Variants in MRRF observed in about 807,000 individuals in gnomAD.
MRRF encodes ribosome-recycling factor, mitochondrial.
In MRRF, 18 loss-of-function variants were observed where a neutral mutation model predicts 25.1. The observed-to-expected ratio is 0.72, with a 90% CI of 0.50 to 1.06. MRRF has a LOEUF of 1.06. Ranked by LOEUF, MRRF falls within the 50% of genes least tolerant of loss-of-function variation. The probability of loss-of-function intolerance (pLI) is 0.00; values close to 1 mark genes in which losing one functional copy is unlikely to be tolerated. For missense variants in MRRF, 323 were observed against 319.3 expected, an observed-to-expected ratio of 1.01 and a Z score of -0.09; for synonymous variants, 113 against 112.1, an observed-to-expected ratio of 1.01 and a Z score of -0.05.
At position 122,280,615 on chromosome 9, in the gene MRRF, A is replaced by G. The variant is rs372593858; in HGVS notation, c.340+17A>G. 15 of 1,612,354 alleles carry G rather than the reference A, an allele frequency of 9.3e-6. No homozygotes were observed. The highest frequency in any genetic ancestry group is 1.6e-4 in the Middle Eastern group (1 of 6,082). The stretch of plus-strand genomic sequence containing the variant: ...CCTCACCAGGTTAGTGACTGAACCA[A>G]TGTTCTGGGGAGGGATGTAATGGAA... On this transcript the variant is annotated intron_variant, in intron 3 of 6. Transcript: ENST00000344641.
intron 1 of MRRF, among the ~76,000 whole-genome samples, chr9:122,268,044 T>C (rs60916676): frequency 0.031 from 4,701 of 152,302 alleles, 217 homozygotes; most frequent in African/African-American, 0.1. Flanking sequence ...ATACTTGGGA[T>C]CTCAACAAAT....
rs547466702 is a variant in MRRF, at chr9:122,286,101, G to T, written c.459+814G>T. 1.0e-4 allele frequency: 128 copies of T among 1,268,812 alleles called. No individual in the cohort carries two copies. The South Asian group carries it at 1.5e-3, about 15-fold the overall frequency. 78.6% of individuals were successfully genotyped at this position (1,268,812 alleles called of 1,614,324 possible). ...TCCGGTCCCATCTCTACCACCAACT[G>T]GCTGTTTGACCTTGGGCAAGTTGCT... On this transcript the variant is annotated intron_variant, in intron 4 of 6. Transcript: ENST00000344641.
chr9:122,283,261 T>C (rs10818674), intron 3 of MRRF, among the ~76,000 whole-genome samples: 16,528 of 151,884 alleles, frequency 0.11, 1,034 homozygotes, highest in East Asian at 0.24. Flanking sequence ...GCCCAGCTAA[T>C]TTTTTGTATT....
At position 122,326,789 on chromosome 9, in the gene MRRF, T is replaced by C. The variant is rs1300713365; in HGVS notation, c.*4172T>C. On this transcript the variant is annotated 3_prime_UTR_variant, in exon 7 of 7. Coordinates refer to ENST00000344641, the MANE Select transcript of MRRF (RefSeq NM_138777.5). ...TAGACCCTTTACACGTGTTCCCACA[T>C]TGAAACTTCTGATGAATCCTTGTTA... 1 of 152,190 alleles carries C rather than the reference T, an allele frequency of 6.6e-6. No individual in the cohort carries two copies. The highest frequency in any genetic ancestry group is 2.1e-4 in the South Asian group (1 of 4,824). 9.4% of individuals were successfully genotyped at this position (152,190 alleles called of 1,614,324 possible).
chr9:122,272,319 A>AT (rs1832511138), intron 2 of MRRF, among the ~76,000 whole-genome samples: 1 of 152,160 alleles, frequency 6.6e-6, no homozygotes, highest in East Asian at 1.9e-4. Context: ...CATAAGCAGC[A>AT]TTTTTTCATA....
chr9:122,286,760 T>C (rs1022125430), intron 4 of MRRF, among the ~76,000 whole-genome samples: 7 of 152,168 alleles, frequency 4.6e-5, no homozygotes, highest in Non-Finnish European at 1.0e-4. Context: ...ATTTTGTCAG[T>C]TGTCATTCCC....
chr9:122,328,097 G>A lies in MRRF; in HGVS notation c.*5480G>A, dbSNP rs1836187567. ...CAATCCTCCCACCTCAGCCTCCTGA[G>A]TAGCTGGGATTACAGCCACGTGCAC... is the stretch of plus-strand genomic sequence containing the variant. On this transcript the variant is annotated 3_prime_UTR_variant, in exon 7 of 7. Coordinates refer to ENST00000344641, the MANE Select transcript of MRRF (RefSeq NM_138777.5). The A allele has an allele frequency of 6.6e-6, 1 of 151,998 alleles. No individual in the cohort carries two copies. The highest frequency in any genetic ancestry group is 2.4e-5 in the African/African-American group (1 of 41,380). The allele number at this position is 151,998 out of a possible 1,614,324, so 9.4% of individuals were successfully genotyped here.
intron 5 of MRRF, among the ~76,000 whole-genome samples, chr9:122,311,045 T>C (rs1050588202): frequency 5.3e-5 from 8 of 152,216 alleles, no homozygotes; most frequent in Non-Finnish European, 7.3e-5. Context: ...GTACTTTATC[T>C]GTTGTGTCTG....
At chr9:122,297,543 G>C (rs1771094400) in intron 5 of MRRF, among the ~76,000 whole-genome samples, 1 of 151,510 alleles carries the variant, frequency 6.6e-6, no homozygotes, top group Admixed American at 6.6e-5. Flanking sequence ...TTCTAAAGGT[G>C]TACTATTGGC....
rs149296425 is a variant in MRRF, at chr9:122,280,492, G to T, written c.234G>T (p.Leu78Phe). The change falls in exon 3 of 7, where the codon TTG (leucine) becomes TTT (phenylalanine). Residue 78 changes from leucine to phenylalanine, a missense_variant. Physicochemically the swap from Leu to Phe is conservative, Grantham distance 22 (BLOSUM62 0). Coordinates refer to ENST00000344641, the MANE Select transcript of MRRF (RefSeq NM_138777.5). ...CCAGAGTGAATATTAATGCTGCCTT[G>T]GTTGAGGATATAATCAACTTGGAAG... is the stretch of plus-strand genomic sequence containing the variant. Reference protein sequence around the residue: ...SQTRVNINAALVEDIINLEEV... With the variant: ...SQTRVNINAAFVEDIINLEEV... 4.1e-4 allele frequency: 655 copies of T among 1,614,090 alleles called. 3 individuals carry two copies. The African/African-American group carries it at 7.9e-3, about 19-fold the overall frequency.
chr9:122,280,622 G>A, intron 3 of MRRF, 24 bp downstream of exon 3: 2 of 1,610,938 alleles, frequency 1.2e-6, no homozygotes, highest in African/African-American at 1.3e-5. Flanking sequence ...CCAATGTTCT[G>A]GGGAGGGATG....
chr9:122,288,640 A>G (rs750911044), intron 4 of MRRF, among the ~76,000 whole-genome samples: 3 of 152,254 alleles, frequency 2.0e-5, no homozygotes, highest in Non-Finnish European at 2.9e-5. Flanking sequence ...CTATGTGTCT[A>G]CTTTCATAGA....
At chr9:122,285,500 T>C (rs985377493) in intron 4 of MRRF, 16 of 550,568 alleles carry the variant, frequency 2.9e-5, no homozygotes, top group Middle Eastern at 5.2e-4. Flanking sequence ...GTTGTTTGAA[T>C]ACCCAAACGG....
intron 2 of MRRF, among the ~76,000 whole-genome samples, chr9:122,279,451 G>A (rs1314060886): frequency 2.0e-5 from 3 of 152,168 alleles, no homozygotes; most frequent in African/African-American, 7.2e-5. Flanking sequence ...AATAGTACAG[G>A]ATTGAGTTCA....
intron 5 of MRRF, among the ~76,000 whole-genome samples, chr9:122,302,601 C>T (rs1205951549): frequency 6.6e-6 from 1 of 151,770 alleles, no homozygotes; most frequent in African/African-American, 2.4e-5. Flanking sequence ...TATATCACTT[C>T]CTCAGTTGAT....
chr9:122,267,144 C>G (rs1011071900), intron 1 of MRRF, among the ~76,000 whole-genome samples: 2 of 151,330 alleles, frequency 1.3e-5, no homozygotes, highest in East Asian at 3.9e-4. Flanking sequence ...TTTGGGAGGC[C>G]GAGGCGGGCA....
chr9:122,267,884 ATGTGGAAGC>A (rs894206169), intron 1 of MRRF, among the ~76,000 whole-genome samples: 11 of 152,202 alleles, frequency 7.2e-5, no homozygotes, highest in African/African-American at 2.7e-4. Context: ...TATGATGATG[ATGTGGAAGC>A]TGTAGCTCAG....
chr9:122,298,569 C>T (rs952746965), intron 5 of MRRF, among the ~76,000 whole-genome samples: 9 of 152,172 alleles, frequency 5.9e-5, no homozygotes, highest in African/African-American at 1.9e-4. Flanking sequence ...CCTCTGGTCC[C>T]GGACAACCAC....
intron 5 of MRRF, among the ~76,000 whole-genome samples, chr9:122,303,017 C>G (rs1834569784): frequency 6.6e-6 from 1 of 152,142 alleles, no homozygotes; most frequent in Non-Finnish European, 1.5e-5. Context: ...AATGTCTATT[C>G]AAGTCCTTTG....
Sources: gnomAD v4.1 joint callset for allele counts (sites outside exome capture counted in the v4.1 genomes callset) on GRCh38, gnomAD v4.1.1 for gene constraint, MANE v1.5 for transcripts, NCBI Gene and HGNC (gene_info 2026-07-23, HGNC 2026-07-21) for gene names.